CPA5: variants seen among roughly 807,000 people sequenced by gnomAD.
CPA5 encodes the protein testicular tissue protein Li 32.
CPA5 carries 38 observed loss-of-function variants against 52.2 expected under a neutral mutation model. The ratio of observed to expected loss-of-function variants is 0.73; its 90% confidence interval spans 0.56 to 0.95. The LOEUF is 0.95. Ranked by LOEUF, CPA5 falls within the 40% of genes least tolerant of loss-of-function variation. The pLI is 0.00. For synonymous variants in CPA5, 198 were observed against 213.7 expected (o/e 0.93, Z 0.64); for missense variants, 519 against 566.7 (o/e 0.92, Z 0.86).
intron 5 of CPA5, among the ~76,000 whole-genome samples, chr7:130,351,475 G>A (rs1295695577): frequency 1.3e-5 from 2 of 152,190 alleles, no homozygotes; most frequent in Non-Finnish European, 2.9e-5. Flanking sequence ...CCCCACATCC[G>A]CAGCCCCGAG....
chr7:130,362,304 A>G, intron 7 of CPA5, 134 bp from the exon 8 acceptor site: 1 of 567,930 alleles, frequency 1.8e-6, no homozygotes, highest in Admixed American at 3.0e-5. Flanking sequence ...AGGTACCTGC[A>G]CACACACCCT....
At position 130,361,183 on chromosome 7, in the gene CPA5, A is replaced by G; in HGVS notation, c.473A>G (p.Asp158Gly). The change falls in exon 7 of 13, where the codon GAT (aspartate) becomes GGT (glycine). Residue 158 changes from aspartate to glycine, a missense_variant. Asp to Gly is a moderately conservative substitution (Grantham distance 94). Transcript: ENST00000474905. ...WIDNFVMEHSDIVSKIQIGNS... is the reference protein window; with the variant it reads ...WIDNFVMEHSGIVSKIQIGNS... ...GACAACTTTGTAATGGAGCATTCCG[A>G]TATTGTCTCAAAAATTCAGATTGGC... 2 of 1,614,068 alleles carry G rather than the reference A, an allele frequency of 1.2e-6. No individual in the cohort carries two copies. The highest frequency in any genetic ancestry group is 1.7e-6 in the Non-Finnish European group (2 of 1,179,928).
At chr7:130,373,029 G>A (rs1035043256), downstream of CPA5, among the ~76,000 whole-genome samples, 3 of 152,172 alleles carry the variant, frequency 2.0e-5, no homozygotes, top group Non-Finnish European at 2.9e-5. Context: ...GGCCAGGGGG[G>A]TGCTCTAGTC....
chr7:130,349,019 C>T lies in CPA5; in HGVS notation c.199-956C>T, dbSNP rs117847334. 5.6e-4 allele frequency among the ~76,000 whole-genome samples: 86 copies of T among 152,282 alleles called. No individual in the cohort carries two copies. The East Asian group carries it at 0.014, about 25-fold the overall frequency. On this transcript the variant is annotated intron_variant, in intron 4 of 12. Transcript: ENST00000474905. Reference sequence around the variant, plus strand: ...GTCGCGGTGTTGCAGTGCTTCTGTTCGTCTAACCCTTATTCGACTTAATAA... The same window carrying T: ...GTCGCGGTGTTGCAGTGCTTCTGTTTGTCTAACCCTTATTCGACTTAATAA...
the CPA5 span, among the ~76,000 whole-genome samples, chr7:130,373,791 G>A: frequency 1.3e-5 from 2 of 152,264 alleles, no homozygotes; most frequent in African/African-American, 4.8e-5. Flanking sequence ...CTTCCCAGAC[G>A]TGGTGGGAAC....
chr7:130,359,196 C>T (rs185035454), intron 5 of CPA5, among the ~76,000 whole-genome samples: 6 of 152,264 alleles, frequency 3.9e-5, no homozygotes, highest in Admixed American at 2.6e-4. Flanking sequence ...CTGTGAGCAC[C>T]TTTTTTCCCC....
downstream of CPA5, among the ~76,000 whole-genome samples, chr7:130,372,382 T>C (rs182918735): frequency 6.6e-6 from 1 of 152,370 alleles, no homozygotes; most frequent in East Asian, 1.9e-4. Context: ...GAAGTCCACC[T>C]TACTGTGGCT....
chr7:130,363,265 G>A (rs946987249), intron 9 of CPA5, among the ~76,000 whole-genome samples, 154 bp from the exon 10 acceptor site: 1 of 152,132 alleles, frequency 6.6e-6, no homozygotes, highest in South Asian at 2.1e-4. Context: ...CTTTGGCCCA[G>A]CCCCATGCCA....
At chr7:130,358,268 C>T (rs572844354) in intron 5 of CPA5, among the ~76,000 whole-genome samples, 6 of 152,136 alleles carry the variant, frequency 3.9e-5, no homozygotes, top group African/African-American at 9.6e-5. Context: ...CAAAGTGCTG[C>T]GTTTACAGGT....
intron 10 of CPA5, 22 bp downstream of exon 10, chr7:130,363,531 G>T: frequency 1.3e-6 from 2 of 1,558,296 alleles, no homozygotes; most frequent in Non-Finnish European, 1.7e-6. Context: ...TGCTGTCCTG[G>T]GGCAGGGTTG....
rs182665669 is a variant in CPA5, at chr7:130,367,350, G to A, written c.839-22G>A. The A allele has an allele frequency of 1.1e-5, 17 of 1,611,474 alleles. 1 individual carries two copies. The African/African-American group carries it at 1.9e-4, about 18-fold the overall frequency. ...TCGCACGTGGGGATTTGACTCTTTG[G>A]GTGGCTTTATTTTACTTCCAGGAAA... is the stretch of plus-strand genomic sequence containing the variant. On this transcript the variant is annotated intron_variant, in intron 10 of 12. Transcript: ENST00000474905.
At chr7:130,346,079 T>A (rs1253738568) in intron 2 of CPA5, among the ~76,000 whole-genome samples, 183 bp downstream of exon 2, 1 of 152,112 alleles carries the variant, frequency 6.6e-6, no homozygotes, top group Non-Finnish European at 1.5e-5. Flanking sequence ...AGGGAAAGCA[T>A]GAGTGGGCTA....
At chr7:130,346,328 TC>T (rs1794735392) in intron 2 of CPA5, 64 bp from the exon 3 acceptor site, 1 of 541,852 alleles carries the variant, frequency 1.8e-6, no homozygotes, top group African/African-American at 1.9e-5. Context: ...GCCCTAGCTC[TC>T]CCAAGGCCTG....
chr7:130,350,781 A>G (rs1795088633), intron 5 of CPA5, among the ~76,000 whole-genome samples: 1 of 152,198 alleles, frequency 6.6e-6, no homozygotes, highest in African/African-American at 2.4e-5. Flanking sequence ...GAACGTCATG[A>G]AATTCTATTT....
At chr7:130,356,946 G>T (rs1201075575) in intron 5 of CPA5, among the ~76,000 whole-genome samples, 4 of 152,176 alleles carry the variant, frequency 2.6e-5, no homozygotes, top group African/African-American at 9.6e-5. Context: ...ATTGGTCATG[G>T]TAGGCTGTTG....
At chr7:130,349,236 C>T (rs1794974215) in intron 4 of CPA5, among the ~76,000 whole-genome samples, 2 of 152,082 alleles carry the variant, frequency 1.3e-5, no homozygotes, top group Admixed American at 6.5e-5. Flanking sequence ...AGTTCAAGAC[C>T]AGCCTGGCCA....
intron 5 of CPA5, among the ~76,000 whole-genome samples, chr7:130,351,571 C>T (rs1795145178): frequency 6.6e-6 from 1 of 152,164 alleles, no homozygotes; most frequent in African/African-American, 2.4e-5. Flanking sequence ...CACCAACTCG[C>T]TCTTCCTGCA....
Position 130,359,057 on chromosome 7 carries a change from A to G in CPA5, c.334-532A>G, listed in dbSNP as rs148484403. On this transcript the variant is annotated intron_variant, in intron 5 of 12. Coordinates refer to ENST00000474905, the MANE Select transcript of CPA5 (RefSeq NM_080385.5). ...ATACCAGTTGTCTAGGCTGTTTCCT[A>G]GAAGTGGAGTTAATGTTGGGGGTCA... is the stretch of plus-strand genomic sequence containing the variant. Among the ~76,000 whole-genome samples, 13 of 152,304 alleles carry G rather than the reference A, an allele frequency of 8.5e-5. No homozygotes were observed. The East Asian group carries it at 2.5e-3, about 29-fold the overall frequency.
chr7:130,363,503 T>C lies in CPA5; in HGVS notation c.832T>C (p.Phe278Leu). 1 of 1,582,210 alleles carries C rather than the reference T, an allele frequency of 6.3e-7. No individual in the cohort carries two copies. Among genetic ancestry groups the C allele is most frequent in the East Asian group, 2.3e-5 (1 of 44,076 alleles). ...VDLNRNWKSG[F>L]GGNGSNSNPC... The stretch of plus-strand genomic sequence containing the variant: ...TCTCAACAGGAACTGGAAGTCGGGT[T>C]TTGGAGGTATGGCAACCTGCTGTCC... Residue 278 changes from phenylalanine (F) to leucine (L), a missense_variant, in exon 10 of 13, where the codon TTT becomes CTT. By Grantham distance (22) the Phe-to-Leu change is conservative. Coordinates refer to ENST00000474905, the MANE Select transcript of CPA5 (RefSeq NM_080385.5).
Sources: allele counts gnomAD v4.1 joint callset (sites outside exome capture counted in the v4.1 genomes callset), GRCh38; gene constraint gnomAD v4.1.1; transcripts MANE v1.5; gene names NCBI Gene and HGNC (gene_info 2026-07-23, HGNC 2026-07-21).